The following SUCLG2 variants were observed in gnomAD, a reference collection of about 807,000 sequenced individuals.
SUCLG2 encodes succinate-CoA ligase GDP-forming subunit beta.
A neutral mutation model predicts 47.9 loss-of-function variants in SUCLG2; 42 were observed. The ratio of observed to expected loss-of-function variants is 0.88; its 90% confidence interval spans 0.69 to 1.14. The LOEUF (loss-of-function observed/expected upper bound fraction) is 1.14. SUCLG2 is among the 50% of genes most tolerant of loss of function. The pLI is 0.00. For synonymous variants in SUCLG2, 195 were observed against 197.3 expected (o/e 0.99, Z 0.10); for missense variants, 571 against 525.9 (o/e 1.09, Z -0.84).
chr3:67,628,871 T>C (rs1453347043), intron 1 of SUCLG2, among the ~76,000 whole-genome samples: 1 of 152,054 alleles, frequency 6.6e-6, no homozygotes, highest in Non-Finnish European at 1.5e-5. Context: ...ATACAGCAAG[T>C]TGGGAATTAT....
At chr3:67,467,101 C>G (rs1438679464) in intron 9 of SUCLG2, among the ~76,000 whole-genome samples, 1 of 152,164 alleles carries the variant, frequency 6.6e-6, no homozygotes, top group Non-Finnish European at 1.5e-5. Flanking sequence ...CAAGACCTTC[C>G]TTACTAATTA....
At chr3:67,529,596 A>G (rs2107148317) in intron 2 of SUCLG2, among the ~76,000 whole-genome samples, 1 of 152,334 alleles carries the variant, frequency 6.6e-6, no homozygotes, top group East Asian at 1.9e-4. Context: ...CAAAGGGAAG[A>G]CTGGATTATG....
At chr3:67,403,096 C>T (rs1009199408) in intron 9 of SUCLG2, among the ~76,000 whole-genome samples, 7 of 151,908 alleles carry the variant, frequency 4.6e-5, no homozygotes, top group African/African-American at 1.7e-4. Flanking sequence ...AATTAGAGTC[C>T]GATGTTAAAA....
intron 7 of SUCLG2, among the ~76,000 whole-genome samples, chr3:67,503,156 T>C (rs1705545700): frequency 6.6e-6 from 1 of 152,080 alleles, no homozygotes. Context: ...AACCCCCAAA[T>C]ATTTACTAAC....
intron 7 of SUCLG2, 67 bp from the exon 8 acceptor site, chr3:67,498,362 C>T: frequency 6.5e-7 from 1 of 1,535,320 alleles, no homozygotes; most frequent in Non-Finnish European, 8.9e-7. Context: ...GTTCTTCAGG[C>T]TGGTAGGCAC....
At chr3:67,623,868 C>A (rs1417495896) in intron 1 of SUCLG2, among the ~76,000 whole-genome samples, 1 of 152,174 alleles carries the variant, frequency 6.6e-6, no homozygotes, top group Non-Finnish European at 1.5e-5. Flanking sequence ...TTTGTAAACC[C>A]TAAAGAACCT....
chr3:67,404,196 A>G (rs1702752171), intron 9 of SUCLG2, among the ~76,000 whole-genome samples: 1 of 152,120 alleles, frequency 6.6e-6, no homozygotes, highest in South Asian at 2.1e-4. Flanking sequence ...TTCCTTCTTC[A>G]GAACTGGGTA....
intron 10 of SUCLG2, among the ~76,000 whole-genome samples, chr3:67,382,839 G>C (rs1009036155): frequency 1.3e-5 from 2 of 152,094 alleles, no homozygotes; most frequent in Non-Finnish European, 2.9e-5. Flanking sequence ...CACTGGGAGA[G>C]GGGAATTCAG....
intron 9 of SUCLG2, among the ~76,000 whole-genome samples, chr3:67,427,353 A>G (rs1703329723): frequency 6.6e-6 from 1 of 152,218 alleles, no homozygotes; most frequent in African/African-American, 2.4e-5. Flanking sequence ...TATTGTTCAT[A>G]GACACAAATG....
At chr3:67,378,581 CG>C (rs1203794766) in intron 10 of SUCLG2, among the ~76,000 whole-genome samples, 3 of 152,154 alleles carry the variant, frequency 2.0e-5, no homozygotes, top group African/African-American at 7.2e-5. Flanking sequence ...CACTACAGCT[CG>C]GCTGACACTG....
At chr3:67,388,842 A>T (rs1249525318) in intron 10 of SUCLG2, among the ~76,000 whole-genome samples, 1 of 152,146 alleles carries the variant, frequency 6.6e-6, no homozygotes, top group Admixed American at 6.5e-5. Flanking sequence ...ATAAAAGGAG[A>T]ATTTCCAAGT....
At chr3:67,472,906 C>T (rs1704640074) in intron 9 of SUCLG2, among the ~76,000 whole-genome samples, 1 of 152,078 alleles carries the variant, frequency 6.6e-6, no homozygotes, top group South Asian at 2.1e-4. Context: ...AGGAAGGCAG[C>T]TAAGTATCTT....
At chr3:67,542,260 C>T (rs1706737870) in intron 2 of SUCLG2, among the ~76,000 whole-genome samples, 1 of 152,142 alleles carries the variant, frequency 6.6e-6, no homozygotes, top group Non-Finnish European at 1.5e-5. Flanking sequence ...AAATAAAATC[C>T]TTTACAGAGA....
intron 1 of SUCLG2, among the ~76,000 whole-genome samples, chr3:67,618,680 T>C (rs1030252555): frequency 1.3e-5 from 2 of 152,184 alleles, no homozygotes; most frequent in Admixed American, 6.5e-5. Flanking sequence ...TAAAAACTAC[T>C]TGGAACCACC....
At chr3:67,463,751 G>T (rs1397295953) in intron 9 of SUCLG2, among the ~76,000 whole-genome samples, 1 of 152,276 alleles carries the variant, frequency 6.6e-6, no homozygotes, top group South Asian at 2.1e-4. Flanking sequence ...TATGGAAAAG[G>T]CCCTGGCTTT....
intron 9 of SUCLG2, among the ~76,000 whole-genome samples, chr3:67,463,050 A>C (rs1475879668): frequency 6.6e-6 from 1 of 152,228 alleles, no homozygotes; most frequent in Admixed American, 6.5e-5. Context: ...TTGTGGGCAG[A>C]AACTGCAGTA....
intron 7 of SUCLG2, among the ~76,000 whole-genome samples, chr3:67,502,476 C>A (rs193156687): frequency 6.6e-6 from 1 of 152,164 alleles, no homozygotes; most frequent in Non-Finnish European, 1.5e-5. Context: ...CTCTTAAACC[C>A]GAGCCTTGTC....
intron 9 of SUCLG2, among the ~76,000 whole-genome samples, chr3:67,435,626 C>T (rs1275109450): frequency 6.6e-6 from 1 of 152,154 alleles, no homozygotes; most frequent in African/African-American, 2.4e-5. Context: ...GTTATGTCCA[C>T]ACATATGTGC....
chr3:67,650,006 C>G (rs1701257949), intron 1 of SUCLG2, among the ~76,000 whole-genome samples: 1 of 152,212 alleles, frequency 6.6e-6, no homozygotes, highest in Non-Finnish European at 1.5e-5. Context: ...GCCTTATTTA[C>G]AGCAAACAAA....
Sources: gnomAD v4.1 joint callset for allele counts (sites outside exome capture counted in the v4.1 genomes callset) on GRCh38, gnomAD v4.1.1 for gene constraint, MANE v1.5 for transcripts, NCBI Gene and HGNC (gene_info 2026-07-23, HGNC 2026-07-21) for gene names.